Variants in PLA2G4A observed in about 807,000 individuals in gnomAD.
PLA2G4A encodes phospholipase A2 group IVA.
A neutral mutation model predicts 81.9 loss-of-function variants in PLA2G4A; 40 were observed. That is an observed-to-expected ratio of 0.49 (90% CI 0.38 to 0.64). PLA2G4A has a LOEUF of 0.64. PLA2G4A is among the 30% of genes least tolerant of loss of function. The pLI, the probability that PLA2G4A is intolerant of heterozygous loss-of-function variation, is 0.00. For synonymous variants in PLA2G4A, 302 were observed against 296.9 expected (o/e 1.02, Z -0.18); for missense variants, 715 against 905.1 (o/e 0.79, Z 2.69).
At chr1:186,913,634 AAAT>A (rs1655041358) in intron 7 of PLA2G4A, among the ~76,000 whole-genome samples, 1 of 150,704 alleles carries the variant, frequency 6.6e-6, no homozygotes, top group Middle Eastern at 3.2e-3. Context: ...ATTTTCATAA[AAAT>A]AATATTTTAA....
intron 5 of PLA2G4A, among the ~76,000 whole-genome samples, chr1:186,905,988 T>C (rs1168920045): frequency 2.0e-5 from 3 of 152,200 alleles, no homozygotes; most frequent in Non-Finnish European, 4.4e-5. Flanking sequence ...AATCTAATAA[T>C]CTATAGCATT....
At chr1:186,845,558 A>G (rs747623869) in intron 1 of PLA2G4A, among the ~76,000 whole-genome samples, 1 of 152,104 alleles carries the variant, frequency 6.6e-6, no homozygotes, top group Non-Finnish European at 1.5e-5. Context: ...CAACCTTTTA[A>G]TATCTCCACG....
At chr1:186,840,838 G>A (rs901963119) in intron 1 of PLA2G4A, among the ~76,000 whole-genome samples, 1 of 152,146 alleles carries the variant, frequency 6.6e-6, no homozygotes, top group South Asian at 2.1e-4. Context: ...CTTAAAAAAG[G>A]CAGCAATGGC....
chr1:186,939,492 GAAAA>G (rs10599543), intron 9 of PLA2G4A, among the ~76,000 whole-genome samples: 2,002 of 143,168 alleles, frequency 0.014, 50 homozygotes, highest in East Asian at 0.1. Context: ...CTTTTCTCTG[GAAAA>G]AAAAAAAAAA....
chr1:186,857,315 TG>T, intron 2 of PLA2G4A, among the ~76,000 whole-genome samples: 1 of 115,320 alleles, frequency 8.7e-6, no homozygotes, highest in African/African-American at 3.3e-5. Flanking sequence ...TTATATTATA[TG>T]TAATATAATA....
In PLA2G4A at chr1:186,956,146, C is replaced by A; in HGVS notation, c.1381C>A (p.Gln461Lys). Residue 461 changes from glutamine (Q) to lysine (K), a missense_variant, in exon 14 of 18, where the codon CAA (glutamine) becomes AAA (lysine). By Grantham distance (53) the Gln-to-Lys change is moderately conservative. Transcript: ENST00000367466. ...TGGAAGTGACTATCAAAGTGATAAT[C>A]AAGCAAGTTGGATTCATCGTATGAT... ...DAGSDYQSDN[Q>K]ASWIHRMIMA... 6.2e-7 allele frequency: 1 copy of A among 1,613,182 alleles called. No homozygotes were observed. Among genetic ancestry groups the A allele is most frequent in the Non-Finnish European group, 8.5e-7 (1 of 1,179,166 alleles).
In PLA2G4A at chr1:186,956,049, CT is replaced by C. The variant is rs1656739607; in HGVS notation, c.1337-48del. 2.6e-6 allele frequency: 4 copies of C among 1,567,244 alleles called. No individual in the cohort carries two copies. In the Admixed American group the frequency reaches 5.0e-5, roughly 20 times the overall value. ...GCCACCGTGCCCAGCCCAAAGATCC[CT>C]TTTTAAACATGTATTTTGGAGTCTG... On this transcript the variant is annotated intron_variant, in intron 13 of 17. Coordinates refer to ENST00000367466, the MANE Select transcript of PLA2G4A (RefSeq NM_024420.3).
At chr1:186,872,656 T>C (rs1653324113) in intron 3 of PLA2G4A, among the ~76,000 whole-genome samples, 1 of 152,038 alleles carries the variant, frequency 6.6e-6, no homozygotes, top group African/African-American at 2.4e-5. Context: ...TTCTAGCAAC[T>C]TCATGGTAGG....
chr1:186,919,382 T>C (rs1257803063), intron 7 of PLA2G4A, among the ~76,000 whole-genome samples: 3 of 152,204 alleles, frequency 2.0e-5, no homozygotes, highest in Admixed American at 2.0e-4. Flanking sequence ...CCAGGTAGCG[T>C]ACCTGCTGTC....
intron 15 of PLA2G4A, among the ~76,000 whole-genome samples, chr1:186,966,162 C>A (rs933184658): frequency 2.1e-5 from 3 of 145,780 alleles, no homozygotes; most frequent in African/African-American, 7.6e-5. Flanking sequence ...GTAGATTGTT[C>A]AGGGAAGGAG....
chr1:186,873,993 TG>T (rs1653378965), intron 3 of PLA2G4A, among the ~76,000 whole-genome samples: 1 of 152,128 alleles, frequency 6.6e-6, no homozygotes, highest in Admixed American at 6.6e-5. Flanking sequence ...CATTTACACC[TG>T]ACTCAAAATC....
At position 186,893,098 on chromosome 1, in the gene PLA2G4A, A is replaced by G; in HGVS notation, c.203A>G (p.Asn68Ser). Residue 68 changes from asparagine (N) to serine (S), a missense_variant, in exon 4 of 18, where the codon AAC (asparagine) becomes AGC (serine). Asn to Ser is a conservative substitution (Grantham distance 46, BLOSUM62 1). Coordinates refer to ENST00000367466, the MANE Select transcript of PLA2G4A (RefSeq NM_024420.3). Reference protein sequence around the residue: ...KRTRHFNNDINPVWNETFEFI... With the variant: ...KRTRHFNNDISPVWNETFEFI... ...ACAAGACATTTCAATAATGACATAAACCCTGTGTGGAATGAGACCTTTGAA... is the reference window on the plus strand; with the variant it reads ...ACAAGACATTTCAATAATGACATAAGCCCTGTGTGGAATGAGACCTTTGAA... 1 of 1,611,352 alleles carries G rather than the reference A, an allele frequency of 6.2e-7. No homozygotes were observed.
At chr1:186,920,460 C>T (rs2102177147) in intron 7 of PLA2G4A, among the ~76,000 whole-genome samples, 1 of 152,346 alleles carries the variant, frequency 6.6e-6, no homozygotes, top group East Asian at 1.9e-4. Context: ...CGACCAAAAA[C>T]TTAATGTCCT....
intron 5 of PLA2G4A, among the ~76,000 whole-genome samples, chr1:186,900,651 T>C (rs1654503551): frequency 6.6e-6 from 1 of 152,188 alleles, no homozygotes; most frequent in African/African-American, 2.4e-5. Flanking sequence ...GTCTAGAATC[T>C]TCAGAATTTA....
chr1:186,923,044 T>C (rs561284477), intron 7 of PLA2G4A, among the ~76,000 whole-genome samples: 2 of 152,296 alleles, frequency 1.3e-5, no homozygotes, highest in African/African-American at 2.4e-5. Context: ...TGTCTGCTTG[T>C]GGATTTCATT....
At chr1:186,962,486 T>TTTTATTTTATTTATTTA (rs1553221216) in intron 14 of PLA2G4A, among the ~76,000 whole-genome samples, 1 of 136,674 alleles carries the variant, frequency 7.3e-6, no homozygotes, top group African/African-American at 3.0e-5. Flanking sequence ...AGTTATTTTA[T>TTTTATTTTATTTATTTA]TTTATTTATT....
intron 16 of PLA2G4A, 83 bp from the exon 17 acceptor site, chr1:186,979,232 T>A (rs1657635805): frequency 2.0e-6 from 2 of 1,018,486 alleles, no homozygotes; most frequent in Non-Finnish European, 3.1e-6. Flanking sequence ...GCTGTCTTTA[T>A]GTCTGTATGT....
intron 6 of PLA2G4A, among the ~76,000 whole-genome samples, chr1:186,907,443 G>A (rs1654781535): frequency 6.6e-6 from 1 of 152,142 alleles, no homozygotes; most frequent in Admixed American, 6.5e-5. Flanking sequence ...TACTGACCCA[G>A]CTGGACTACT....
chr1:186,913,327 C>T (rs1232791481), intron 7 of PLA2G4A, among the ~76,000 whole-genome samples: 1 of 151,630 alleles, frequency 6.6e-6, no homozygotes, highest in African/African-American at 2.4e-5. Context: ...CCTTAAATTC[C>T]AGTAAAATGT....
Sources: gnomAD v4.1 joint callset for allele counts (sites outside exome capture counted in the v4.1 genomes callset) on GRCh38, gnomAD v4.1.1 for gene constraint, MANE v1.5 for transcripts, NCBI Gene and HGNC (gene_info 2026-07-23, HGNC 2026-07-21) for gene names.